The following ANK2 variants were observed in gnomAD, a reference collection of about 807,000 sequenced individuals.
ANK2 encodes the protein ankyrin-2.
A neutral mutation model predicts 360.5 loss-of-function variants in ANK2; 83 were observed. The ratio of observed to expected loss-of-function variants is 0.23; its 90% confidence interval spans 0.19 to 0.28. The LOEUF (loss-of-function observed/expected upper bound fraction) is 0.28, where lower values mean the gene tolerates loss of function less well. ANK2 is among the 10% of genes least tolerant of loss of function. The pLI is 1.00. For synonymous variants in ANK2, 1,740 were observed against 1,759.5 expected (o/e 0.99, Z 0.28); for missense variants, 4,201 against 4,795.7 (o/e 0.88, Z 3.66).
intron 15 of ANK2, 63 bp downstream of exon 15, chr4:113,274,712 T>C: frequency 6.5e-7 from 1 of 1,546,476 alleles, no homozygotes; most frequent in East Asian, 2.3e-5. Flanking sequence ...GCCTTTCTGC[T>C]CTACCACATA....
the ANK2 span, among the ~76,000 whole-genome samples, chr4:112,805,638 A>G: frequency 2.0e-5 from 3 of 148,558 alleles, no homozygotes; most frequent in East Asian, 2.0e-4. Context: ...CTGGAGTGCA[A>G]TGGGGTGATC....
At chr4:112,767,797 C>T in the ANK2 span, among the ~76,000 whole-genome samples, 1 of 149,194 alleles carries the variant, frequency 6.7e-6, no homozygotes, top group Non-Finnish European at 1.5e-5. Flanking sequence ...CCAAGAGAAA[C>T]TCATTTTTTA....
upstream of ANK2, among the ~76,000 whole-genome samples, chr4:113,045,062 T>G (rs1561670181): frequency 6.6e-6 from 1 of 152,170 alleles, no homozygotes; most frequent in African/African-American, 2.4e-5. Context: ...AACAGACAAC[T>G]CTTGACTCAC....
intron 36 of ANK2, among the ~76,000 whole-genome samples, chr4:113,349,693 A>G (rs2095270313): frequency 6.6e-6 from 1 of 152,124 alleles, no homozygotes; most frequent in South Asian, 2.1e-4. Context: ...CAATTTTGCC[A>G]TGTTCACAAA....
At chr4:113,243,251 TAGA>T (rs2040986511) in intron 9 of ANK2, among the ~76,000 whole-genome samples, 1 of 152,200 alleles carries the variant, frequency 6.6e-6, no homozygotes, top group Non-Finnish European at 1.5e-5. Context: ...AGATGATAAA[TAGA>T]ATATGTCTCT....
At chr4:112,769,272 G>A in the ANK2 span, among the ~76,000 whole-genome samples, 29 of 152,310 alleles carry the variant, frequency 1.9e-4, 1 homozygote, top group Non-Finnish European at 3.1e-4. Context: ...AAAGACTCAA[G>A]AACTTTTTCA....
intron 1 of ANK2, among the ~76,000 whole-genome samples, chr4:112,822,642 G>A (rs1392449035): frequency 6.6e-6 from 1 of 151,422 alleles, no homozygotes; most frequent in African/African-American, 2.4e-5. Context: ...GCTACTAGGA[G>A]GGGTGAGGTA....
chr4:113,049,310 T>C (rs1056166385), upstream of ANK2, among the ~76,000 whole-genome samples: 1 of 152,216 alleles, frequency 6.6e-6, no homozygotes, highest in African/African-American at 2.4e-5. Context: ...AGACACATTC[T>C]AGAATGTTAC....
At chr4:113,331,935 A>C (rs781347336) in intron 27 of ANK2, 37 bp from the exon 28 acceptor site, 1 of 1,559,794 alleles carries the variant, frequency 6.4e-7, no homozygotes, top group Non-Finnish European at 8.8e-7. Context: ...AAGCTTACCT[A>C]TGTTCTTTCT....
At chr4:113,196,666 T>C (rs1279566136) in intron 3 of ANK2, among the ~76,000 whole-genome samples, 200 bp downstream of exon 3, 3 of 152,136 alleles carry the variant, frequency 2.0e-5, no homozygotes, top group Non-Finnish European at 2.9e-5. Flanking sequence ...TAGCTGAGAC[T>C]ACAGGCGTGC....
Position 113,355,881 on chromosome 4 carries a change from C to T in ANK2, c.7263C>T (p.Leu2421=). 1 of 1,614,082 alleles carries T rather than the reference C, an allele frequency of 6.2e-7. No individual in the cohort carries two copies. Among genetic ancestry groups the T allele is most frequent in the Non-Finnish European group, 8.5e-7 (1 of 1,179,970 alleles). ...TCCCTAGCCGAGATAGCGAAGTCCT[C>T]AGCGCTGTGGCTGATGACTCATTAG... ...LALPSRDSEV[L]SAVADDSLAV... The change falls in exon 38 of 46, where the codon CTC becomes CTT. Residue 2421 remains leucine, a synonymous_variant. Coordinates refer to ENST00000357077, the MANE Select transcript of ANK2 (RefSeq NM_001148.6).
intron 2 of ANK2, among the ~76,000 whole-genome samples, chr4:112,998,638 G>A (rs1235939598): frequency 6.6e-6 from 1 of 152,086 alleles, no homozygotes; most frequent in Non-Finnish European, 1.5e-5. Context: ...ATAGGTGGTT[G>A]GTTAAAAAAA....
intron 4 of ANK2, among the ~76,000 whole-genome samples, chr4:113,204,585 G>C (rs1033788379): frequency 6.6e-6 from 1 of 152,030 alleles, no homozygotes; most frequent in African/African-American, 2.4e-5. Flanking sequence ...ACAATGAATA[G>C]TCTCATTTTG....
chr4:113,206,191 T>C (rs977110505), intron 4 of ANK2, among the ~76,000 whole-genome samples: 1 of 152,154 alleles, frequency 6.6e-6, no homozygotes, highest in African/African-American at 2.4e-5. Flanking sequence ...TATTAACCCA[T>C]CACCTAGGTA....
rs549108767 is a variant in ANK2, at chr4:113,077,205, A to T, written c.84+27393A>T. On this transcript the variant is annotated intron_variant, in intron 1 of 45. Transcript: ENST00000357077. ...CATTTAAATTAATATTTTTCAAAAT[A>T]TTGAATATAAGAAGATTCTCATCAT... Among the ~76,000 whole-genome samples, 4 of 152,306 alleles carry T rather than the reference A, an allele frequency of 2.6e-5. No individual in the cohort carries two copies. In the East Asian group the frequency reaches 5.8e-4, roughly 22 times the overall value.
chr4:112,866,307 C>G (rs531365761), intron 1 of ANK2, among the ~76,000 whole-genome samples: 4 of 152,262 alleles, frequency 2.6e-5, no homozygotes, highest in African/African-American at 9.6e-5. Context: ...ACATCAAAAT[C>G]TGGATCACAG....
At chr4:113,175,597 T>C (rs2098165639) in intron 2 of ANK2, among the ~76,000 whole-genome samples, 1 of 152,216 alleles carries the variant, frequency 6.6e-6, no homozygotes, top group Admixed American at 6.5e-5. Context: ...CTAGGTTCTG[T>C]CTTCAATCTT....
chr4:113,102,906 A>G (rs989529436), intron 1 of ANK2, among the ~76,000 whole-genome samples: 3 of 152,018 alleles, frequency 2.0e-5, no homozygotes, highest in African/African-American at 4.8e-5. Context: ...CTATCCATCT[A>G]TTCTCCTCAC....
chr4:113,358,347 C>T lies in ANK2; in HGVS notation c.9729C>T (p.Ser3243=), dbSNP rs2095947879. 1.9e-6 allele frequency: 3 copies of T among 1,613,872 alleles called. No individual in the cohort carries two copies. Among genetic ancestry groups the T allele is most frequent in the Non-Finnish European group, 2.5e-6 (3 of 1,179,910 alleles). Residue 3243 remains serine, a synonymous_variant, in exon 38 of 46, where the codon TCC becomes TCT. Transcript: ENST00000357077. ...IPPLSGVKQI[S]CPDSSEPAVQ... ...CTCTCTCTGGTGTAAAGCAGATATC[C>T]TGCCCCGACTCTTCTGAACCAGCTG...
Sources: allele counts gnomAD v4.1 joint callset (sites outside exome capture counted in the v4.1 genomes callset), GRCh38; gene constraint gnomAD v4.1.1; transcripts MANE v1.5; gene names NCBI Gene and HGNC (gene_info 2026-07-23, HGNC 2026-07-21).